C1orf94: variants seen among roughly 807,000 people sequenced by gnomAD.
The protein encoded by C1orf94 is chromosome 1 open reading frame 94, also known as uncharacterized protein C1orf94.
C1orf94 carries 45 observed loss-of-function variants against 53.6 expected under a neutral mutation model. The observed-to-expected ratio is 0.84, with a 90% CI of 0.66 to 1.08. The LOEUF is 1.08. Among genes scored for constraint, C1orf94 ranks in the 50% least tolerant of loss-of-function variants. The pLI is 0.00. For synonymous variants in C1orf94, 304 were observed against 296.1 expected (o/e 1.03, Z -0.27); for missense variants, 762 against 738.9 (o/e 1.03, Z -0.36).
At chr1:34,216,890 C>T (rs1642997627) in intron 6 of C1orf94, among the ~76,000 whole-genome samples, 1 of 152,072 alleles carries the variant, frequency 6.6e-6, no homozygotes. Context: ...ACCAGCCTGG[C>T]CAACACAGTG....
intron 5 of C1orf94, among the ~76,000 whole-genome samples, chr1:34,211,695 G>T (rs937130734): frequency 5.3e-5 from 8 of 152,164 alleles, no homozygotes; most frequent in Non-Finnish European, 1.5e-5. Context: ...CACAGATGTA[G>T]GACATTGCTG....
chr1:34,208,881 A>G (rs1161284016), intron 5 of C1orf94, among the ~76,000 whole-genome samples: 1 of 152,178 alleles, frequency 6.6e-6, no homozygotes, highest in African/African-American at 2.4e-5. Context: ...CCACTGGCCA[A>G]CGCAAACGAC....
At chr1:34,171,474 G>C (rs1294097100) in intron 1 of C1orf94, among the ~76,000 whole-genome samples, 1 of 152,138 alleles carries the variant, frequency 6.6e-6, no homozygotes, top group Non-Finnish European at 1.5e-5. Context: ...TGGATGGATG[G>C]ATGAATGGAT....
In C1orf94 at chr1:34,178,037, G is replaced by A. The variant is rs1162538983; in HGVS notation, c.248G>A (p.Trp83Ter). The change falls in exon 1 of 7, where the codon TGG (tryptophan) becomes TAG (stop). Residue 83 changes from tryptophan (W) to a stop codon, truncating the protein, a stop_gained. Coordinates refer to ENST00000488417, the MANE Select transcript of C1orf94 (RefSeq NM_001134734.2). LOFTEE classifies it high-confidence loss of function. The stretch of plus-strand genomic sequence containing the variant: ...GGCCTGCCTGAGGCCTCACAGCCCT[G>A]GACCTCCATGGAGCAGCTCTCTGTC... ...VQGLPEASQP[W>*]TSMEQLSVPV... is the part of the protein sequence containing the mutation. 1 of 1,551,722 alleles carries A rather than the reference G, an allele frequency of 6.4e-7. No individual in the cohort carries two copies. Among genetic ancestry groups the A allele is most frequent in the Non-Finnish European group, 8.7e-7 (1 of 1,146,998 alleles).
At chr1:34,170,691 G>A (rs1454998901) in intron 1 of C1orf94, among the ~76,000 whole-genome samples, 1 of 148,854 alleles carries the variant, frequency 6.7e-6, no homozygotes, top group African/African-American at 2.6e-5. Context: ...TCTCATAGGA[G>A]CCCCACCCCA....
chr1:34,205,617 T>C (rs1367814848), intron 4 of C1orf94, among the ~76,000 whole-genome samples: 1 of 152,202 alleles, frequency 6.6e-6, no homozygotes, highest in South Asian at 2.1e-4. Flanking sequence ...AAATTTAAGC[T>C]GTGACACAGA....
In C1orf94 at chr1:34,197,730, A is replaced by G; in HGVS notation, c.826A>G (p.Ser276Gly). The G allele has an allele frequency of 6.2e-7, 1 of 1,614,166 alleles. No individual in the cohort carries two copies. Among genetic ancestry groups the G allele is most frequent in the Non-Finnish European group, 8.5e-7 (1 of 1,180,024 alleles). The change falls in exon 2 of 7, where the codon AGT becomes GGT. Residue 276 changes from serine to glycine, a missense_variant. Coordinates refer to ENST00000488417, the MANE Select transcript of C1orf94 (RefSeq NM_001134734.2). This position sits in a 1 kb window ranked among gnomAD's most constrained non-coding sequence, Gnocchi z 4.1. ...TKDFLQDNLF[S>G]GPGPKEPTGL... is the part of the protein sequence containing the mutation. ...GGACTTCCTACAGGACAACCTGTTCAGTGGCCCTGGACCCAAGGAGCCCAC... is the reference window on the plus strand; with the variant it reads ...GGACTTCCTACAGGACAACCTGTTCGGTGGCCCTGGACCCAAGGAGCCCAC...
Position 34,197,260 on chromosome 1 carries a change from C to T in C1orf94, c.356C>T (p.Ser119Phe). The T allele has an allele frequency of 6.5e-7, 1 of 1,547,066 alleles. No individual in the cohort carries two copies. The highest frequency in any genetic ancestry group is 1.4e-5 in the African/African-American group (1 of 73,038). Residue 119 changes from serine to phenylalanine, a missense_variant, in exon 2 of 7, where the codon TCC becomes TTC. Physicochemically the swap from Ser to Phe is radical, Grantham distance 155 (BLOSUM62 -2). Coordinates refer to ENST00000488417, the MANE Select transcript of C1orf94 (RefSeq NM_001134734.2). This position sits in a 1 kb window ranked among gnomAD's most constrained non-coding sequence, Gnocchi z 4.1. ...CTCAGCAGTGGCAAAGATGAGATCT[C>T]CTTGTTGGTGGAACAGGAGTTCCTA... ...LELSSGKDEISLLVEQEFLSL... is the reference protein window; with the variant it reads ...LELSSGKDEIFLLVEQEFLSL...
At position 34,218,837 on chromosome 1, in the gene C1orf94, C is replaced by T; in HGVS notation, c.*76C>T. On this transcript the variant is annotated 3_prime_UTR_variant, in exon 7 of 7. Coordinates refer to ENST00000488417, the MANE Select transcript of C1orf94 (RefSeq NM_001134734.2). ...CTCTGATTTTTGGATTCTGCAAAAG[C>T]TTGGTATGAAGTTTGGAAAAGCAAG... 1 of 1,372,796 alleles carries T rather than the reference C, an allele frequency of 7.3e-7. No individual in the cohort carries two copies. The highest frequency in any genetic ancestry group is 1.0e-6 in the Non-Finnish European group (1 of 997,454). 85.0% of individuals were successfully genotyped at this position (1,372,796 alleles called of 1,614,324 possible). A position where few individuals can be genotyped will look rare whatever the true frequency, so the allele number is the denominator to read the frequency against.
At chr1:34,187,914 C>T (rs1352452059) in intron 1 of C1orf94, among the ~76,000 whole-genome samples, 1 of 152,052 alleles carries the variant, frequency 6.6e-6, no homozygotes, top group African/African-American at 2.4e-5. Flanking sequence ...CTAAGGCTGT[C>T]TCACCTGCCC....
chr1:34,218,223 G>A (rs1332866131), intron 6 of C1orf94, among the ~76,000 whole-genome samples: 1 of 152,162 alleles, frequency 6.6e-6, no homozygotes, highest in Non-Finnish European at 1.5e-5. Context: ...GCTGGAAGGG[G>A]AGGAGGGACT....
intron 2 of C1orf94, among the ~76,000 whole-genome samples, chr1:34,199,694 T>C (rs775845113): frequency 6.6e-5 from 10 of 152,234 alleles, no homozygotes; most frequent in Non-Finnish European, 2.9e-5. Context: ...TGGAGGATCC[T>C]GTGATGGTCC....
intron 1 of C1orf94, among the ~76,000 whole-genome samples, chr1:34,171,051 T>C (rs1160892023): frequency 2.0e-5 from 3 of 152,200 alleles, no homozygotes; most frequent in Non-Finnish European, 4.4e-5. Context: ...AACACTCACC[T>C]GATTTCACAG....
intron 6 of C1orf94, among the ~76,000 whole-genome samples, chr1:34,214,457 G>T (rs1339313390): frequency 6.6e-6 from 1 of 152,180 alleles, no homozygotes; most frequent in African/African-American, 2.4e-5. Flanking sequence ...ATAGGGTGGG[G>T]TCTAGAGGTG....
intron 2 of C1orf94, 134 bp downstream of exon 2, chr1:34,198,047 A>T: frequency 1.0e-6 from 1 of 987,698 alleles, no homozygotes; most frequent in Non-Finnish European, 1.5e-6. Flanking sequence ...TGGTGGGCAC[A>T]GCCCCGAGGG....
In C1orf94 at chr1:34,212,373, A is replaced by G. The variant is rs1347707845; in HGVS notation, c.1688A>G (p.Asp563Gly). The stretch of plus-strand genomic sequence containing the variant: ...CGAGACCCTCCCCTAATGGCAGGAG[A>G]TGGACCGCAGTACCTCTTTCCCCAA... ...NPRDPPLMAGDGPQYLFPQGY... is the reference protein window; with the variant it reads ...NPRDPPLMAGGGPQYLFPQGY... The change falls in exon 6 of 7, where the codon GAT becomes GGT. Residue 563 changes from aspartate to glycine, a missense_variant. By Grantham distance (94) the Asp-to-Gly change is moderately conservative. Coordinates refer to ENST00000488417, the MANE Select transcript of C1orf94 (RefSeq NM_001134734.2). 12 of 1,611,664 alleles carry G rather than the reference A, an allele frequency of 7.4e-6. No homozygotes were observed. In the Admixed American group the frequency reaches 1.0e-4, roughly 14 times the overall value.
intron 1 of C1orf94, among the ~76,000 whole-genome samples, chr1:34,189,649 G>T (rs961749820): frequency 6.6e-6 from 1 of 152,224 alleles, no homozygotes; most frequent in Non-Finnish European, 1.5e-5. Context: ...GAAGATGCTA[G>T]GTTGGACGCC....
intron 1 of C1orf94, among the ~76,000 whole-genome samples, chr1:34,180,006 CAA>C: frequency 6.6e-6 from 1 of 152,138 alleles, no homozygotes; most frequent in Non-Finnish European, 1.5e-5. Context: ...AATTGTCAAC[CAA>C]ATAGAACACA....
At chr1:34,168,135 G>A (rs953048168) in intron 1 of C1orf94, among the ~76,000 whole-genome samples, 6 of 152,114 alleles carry the variant, frequency 3.9e-5, no homozygotes, top group African/African-American at 7.2e-5. Flanking sequence ...AGATGGCAAC[G>A]GTGGAAGATG....
Sources: gnomAD v4.1 joint callset for allele counts (sites outside exome capture counted in the v4.1 genomes callset) on GRCh38, gnomAD v4.1.1 for gene constraint, Gnocchi (gnomAD v3.1) non-coding constraint, MANE v1.5 for transcripts, NCBI Gene and HGNC (gene_info 2026-07-23, HGNC 2026-07-21) for gene names.